OSBPL6: variants seen among roughly 807,000 people sequenced by gnomAD.
OSBPL6 encodes the protein oxysterol binding protein like 6, also known as oxysterol-binding protein-related protein 6.
A neutral mutation model predicts 125.8 loss-of-function variants in OSBPL6; 49 were observed. That is an observed-to-expected ratio of 0.39 (90% CI 0.31 to 0.49). The LOEUF is 0.49. Among genes scored for constraint, OSBPL6 ranks in the 20% least tolerant of loss-of-function variants. The pLI, the probability that OSBPL6 is intolerant of heterozygous loss-of-function variation, is 0.88. For synonymous variants in OSBPL6, 394 were observed against 391.8 expected (o/e 1.01, Z -0.07); for missense variants, 986 against 1,135.4 (o/e 0.87, Z 1.89).
intron 18 of OSBPL6, among the ~76,000 whole-genome samples, chr2:178,384,899 T>G (rs1460858919): frequency 6.6e-6 from 1 of 151,666 alleles, no homozygotes; most frequent in East Asian, 1.9e-4. Context: ...AAAATCTTTG[T>G]AGCTATCTTT....
chr2:178,279,578 T>G (rs1683920565), intron 1 of OSBPL6, among the ~76,000 whole-genome samples: 1 of 152,226 alleles, frequency 6.6e-6, no homozygotes, highest in Non-Finnish European at 1.5e-5. Context: ...AGAGGATATG[T>G]TTAAATAGAA....
chr2:178,372,342 C>A, intron 14 of OSBPL6, 109 bp downstream of exon 14: 1 of 699,748 alleles, frequency 1.4e-6, no homozygotes, highest in South Asian at 2.1e-5. Context: ...AAGGTTCCCT[C>A]CATAAATATT....
intron 1 of OSBPL6, among the ~76,000 whole-genome samples, chr2:178,260,863 AG>A (rs1371826730): frequency 2.0e-5 from 3 of 152,326 alleles, no homozygotes; most frequent in Admixed American, 1.3e-4. Flanking sequence ...ACTGATGCTT[AG>A]GCCAGATGCG....
At chr2:178,314,086 TG>T (rs1687531277) in intron 3 of OSBPL6, among the ~76,000 whole-genome samples, 1 of 152,260 alleles carries the variant, frequency 6.6e-6, no homozygotes, top group Non-Finnish European at 1.5e-5. Flanking sequence ...CTCCTCCGAC[TG>T]AGCCTCTGTA....
intron 8 of OSBPL6, 132 bp from the exon 9 acceptor site, chr2:178,336,169 G>C: frequency 8.5e-7 from 1 of 1,170,236 alleles, no homozygotes; most frequent in South Asian, 1.5e-5. Flanking sequence ...ATTTAGCCAA[G>C]AGGCTTCTTC....
chr2:178,330,219 A>T (rs1689079070), intron 5 of OSBPL6, among the ~76,000 whole-genome samples: 1 of 139,690 alleles, frequency 7.2e-6, no homozygotes, highest in Non-Finnish European at 1.6e-5. Flanking sequence ...ACAGAAATGG[A>T]AACCACAGGA....
chr2:178,304,093 A>G (rs544227245), intron 2 of OSBPL6, among the ~76,000 whole-genome samples: 1 of 152,146 alleles, frequency 6.6e-6, no homozygotes, highest in Non-Finnish European at 1.5e-5. Context: ...AAATCAAGGC[A>G]CCAGCAGGTT....
In OSBPL6 at chr2:178,333,044, A is replaced by G. The variant is rs1337692416; in HGVS notation, c.657+3A>G. 6.2e-7 allele frequency: 1 copy of G among 1,613,492 alleles called. No individual in the cohort carries two copies. Among genetic ancestry groups the G allele is most frequent in the South Asian group, 1.1e-5 (1 of 90,858 alleles). The stretch of plus-strand genomic sequence containing the variant: ...ATGTTTCTGTAATGGATGGAAAGGT[A>G]TGACTTTGTTCTATAAAAACCAGCC... On this transcript the variant is annotated splice_donor_region_variant and intron_variant, in intron 8 of 24. Coordinates refer to ENST00000190611, the MANE Select transcript of OSBPL6 (RefSeq NM_032523.4).
At chr2:178,354,811 T>G (rs1039945277) in intron 12 of OSBPL6, among the ~76,000 whole-genome samples, 2 of 152,152 alleles carry the variant, frequency 1.3e-5, no homozygotes, top group African/African-American at 4.8e-5. Context: ...ATCACACTTA[T>G]TCTAAAATTG....
At chr2:178,281,750 G>T (rs543944362) in intron 1 of OSBPL6, among the ~76,000 whole-genome samples, 31 of 138,332 alleles carry the variant, frequency 2.2e-4, no homozygotes, top group African/African-American at 7.5e-4. Context: ...GCTGAACAAT[G>T]AGAACGCATG....
rs771741853 is a variant in OSBPL6 at position 178,388,964 on chromosome 2, T to C, written c.2157-45T>C. The stretch of plus-strand genomic sequence containing the variant: ...TCATTAGCAGAAACAGTTATATGTG[T>C]TTGTGACCTTGGTTGTTTTTCATCA... On this transcript the variant is annotated intron_variant, in intron 20 of 24. Coordinates refer to ENST00000190611, the MANE Select transcript of OSBPL6 (RefSeq NM_032523.4). 1.4e-5 allele frequency: 23 copies of C among 1,599,492 alleles called. No individual in the cohort carries two copies. The South Asian group carries it at 2.5e-4, about 17-fold the overall frequency.
intron 1 of OSBPL6, among the ~76,000 whole-genome samples, chr2:178,264,491 A>T (rs1475884529): frequency 6.6e-6 from 1 of 152,220 alleles, no homozygotes; most frequent in African/African-American, 2.4e-5. Context: ...GTGCTGGGAA[A>T]CAGGACCAAT....
intron 1 of OSBPL6, among the ~76,000 whole-genome samples, chr2:178,234,026 A>C (rs575212638): frequency 1.8e-4 from 27 of 152,274 alleles, no homozygotes; most frequent in African/African-American, 4.6e-4. Flanking sequence ...CAGCTATTTA[A>C]TAATACTAAT....
At chr2:178,362,682 C>T (rs945309378) in intron 13 of OSBPL6, among the ~76,000 whole-genome samples, 1 of 152,140 alleles carries the variant, frequency 6.6e-6, no homozygotes, top group African/African-American at 2.4e-5. Flanking sequence ...CCCTCGGTCC[C>T]TAAAAAGTAG....
chr2:178,332,815 G>C, intron 7 of OSBPL6, 56 bp from the exon 8 acceptor site: 1 of 1,609,912 alleles, frequency 6.2e-7, no homozygotes, highest in Non-Finnish European at 8.5e-7. Flanking sequence ...GCCTACACCA[G>C]TGGTAGGCAG....
At chr2:178,314,898 A>G (rs1687600989) in intron 3 of OSBPL6, among the ~76,000 whole-genome samples, 1 of 152,196 alleles carries the variant, frequency 6.6e-6, no homozygotes, top group Non-Finnish European at 1.5e-5. Context: ...CTGGATGTCC[A>G]GGCCTCCTGT....
At chr2:178,332,609 T>C (rs1216722648) in intron 6 of OSBPL6, 32 bp from the exon 7 acceptor site, 1 of 1,465,924 alleles carries the variant, frequency 6.8e-7, no homozygotes, top group Non-Finnish European at 9.6e-7. Flanking sequence ...TCATATATCC[T>C]TTCAGCCTAT....
chr2:178,211,138 G>C (rs2089839361), intron 1 of OSBPL6, among the ~76,000 whole-genome samples: 1 of 152,130 alleles, frequency 6.6e-6, no homozygotes, highest in Non-Finnish European at 1.5e-5. Context: ...ATGTGTGGTG[G>C]TGCGCGCCTG....
At chr2:178,226,134 A>G (rs948479579) in intron 1 of OSBPL6, among the ~76,000 whole-genome samples, 1 of 152,050 alleles carries the variant, frequency 6.6e-6, no homozygotes, top group Non-Finnish European at 1.5e-5. Flanking sequence ...TGGAGGAGGA[A>G]GTGTGGATGC....
Sources: allele counts gnomAD v4.1 joint callset (sites outside exome capture counted in the v4.1 genomes callset), GRCh38; gene constraint gnomAD v4.1.1; transcripts MANE v1.5; gene names NCBI Gene and HGNC (gene_info 2026-07-23, HGNC 2026-07-21).